Variants in INO80 observed in about 807,000 individuals in gnomAD.
INO80 encodes the protein chromatin-remodeling ATPase INO80.
In INO80, 20 loss-of-function variants were observed where a neutral mutation model predicts 203.4. The observed-to-expected ratio is 0.10, with a 90% CI of 0.07 to 0.14. INO80 has a LOEUF of 0.14. Ranked by LOEUF, INO80 falls within the 10% of genes least tolerant of loss-of-function variation. INO80 has a pLI of 1.00. For missense variants in INO80, 1,419 were observed against 1,914.4 expected, an observed-to-expected ratio of 0.74 and a Z score of 4.83; for synonymous variants, 726 against 685.2, an observed-to-expected ratio of 1.06 and a Z score of -0.93.
chr15:41,065,917 A>T (rs1005256693), intron 14 of INO80, among the ~76,000 whole-genome samples: 2 of 152,134 alleles, frequency 1.3e-5, no homozygotes, highest in African/African-American at 4.8e-5. Context: ...GGGCTGATGA[A>T]AAAGTTATGA....
At chr15:41,040,692 AAACCTAACCCT>A (rs2044652645) in intron 24 of INO80, among the ~76,000 whole-genome samples, 1 of 152,108 alleles carries the variant, frequency 6.6e-6, no homozygotes, top group South Asian at 2.1e-4. Context: ...ACAACACAGC[AAACCTAACCCT>A]AACCTAACCC....
At chr15:41,087,478 T>G in intron 6 of INO80, 84 bp downstream of exon 6, 1 of 1,418,672 alleles carries the variant, frequency 7.0e-7, no homozygotes, top group Non-Finnish European at 9.7e-7. Context: ...TGGACTTATA[T>G]ATAAAGTCCA....
chr15:41,027,557 T>C (rs1041804553), intron 25 of INO80, 39 bp downstream of exon 25: 1 of 1,539,698 alleles, frequency 6.5e-7, no homozygotes, highest in African/African-American at 1.4e-5. Context: ...ATTTCTCCTA[T>C]TGCCATCTAT....
chr15:41,111,777 T>G (rs1409900551), intron 1 of INO80, among the ~76,000 whole-genome samples: 1 of 149,692 alleles, frequency 6.7e-6, no homozygotes, highest in African/African-American at 2.5e-5. Context: ...TACTCCAGCC[T>G]GGGCTACAAG....
At chr15:41,065,135 G>A (rs1057264085) in intron 14 of INO80, among the ~76,000 whole-genome samples, 1 of 152,032 alleles carries the variant, frequency 6.6e-6, no homozygotes, top group Non-Finnish European at 1.5e-5. Context: ...TTAGTTTACA[G>A]CCATTCAAAA....
At chr15:41,041,430 T>A (rs2044665093) in intron 24 of INO80, among the ~76,000 whole-genome samples, 1 of 149,446 alleles carries the variant, frequency 6.7e-6, no homozygotes, top group African/African-American at 2.5e-5. Flanking sequence ...AGCTTCTAGT[T>A]CTTTTTTTTT....
chr15:41,061,469 A>AG (rs1396469739), intron 14 of INO80, among the ~76,000 whole-genome samples: 1 of 149,890 alleles, frequency 6.7e-6, no homozygotes, highest in Non-Finnish European at 1.5e-5. Flanking sequence ...AAAAAAAAAA[A>AG]AAAATTAGCC....
chr15:41,043,939 T>A (rs925938532), intron 24 of INO80, among the ~76,000 whole-genome samples: 2 of 152,172 alleles, frequency 1.3e-5, no homozygotes, highest in Non-Finnish European at 2.9e-5. Context: ...GGAAATATAA[T>A]TCAAGATCAC....
At chr15:41,091,371 C>CT (rs554799289) in intron 5 of INO80, among the ~76,000 whole-genome samples, 4 of 151,896 alleles carry the variant, frequency 2.6e-5, no homozygotes, top group East Asian at 3.9e-4. Flanking sequence ...GGAATTTTCT[C>CT]TTTTTTTTAA....
chr15:41,017,610 C>T (rs868194448), intron 26 of INO80: 11 of 152,340 alleles, frequency 7.2e-5, no homozygotes, highest in Middle Eastern at 3.4e-3. Context: ...ATACAAGGAA[C>T]AAGAACGGAT....
rs771356698 is a variant in INO80, at chr15:41,003,329, C to CTTTTTTTTTTTTTT, written c.3497+2263_3497+2264insAAAAAAAAAAAAAA. 2.8e-5 allele frequency among the ~76,000 whole-genome samples: 3 copies of CTTTTTTTTTTTTTT among 107,576 alleles called. 1 individual carries two copies. The highest frequency in any genetic ancestry group is 5.6e-5 in the Non-Finnish European group (3 of 53,386). The allele number at this position is 107,576 out of a possible 152,430, so 70.6% of individuals were successfully genotyped here. A position where few individuals can be genotyped will look rare whatever the true frequency, so the allele number is the denominator to read the frequency against. On this transcript the variant is annotated intron_variant, in intron 28 of 35. Transcript: ENST00000648947. ...TGGGATTGTGGGTGATTTTTCTTTT[C>CTTTTTTTTTTTTTT]TTTTCTTTTTTTTTTTTTTGAGATG...
At position 41,111,146 on chromosome 15, in the gene INO80, C is replaced by T. The variant is rs552311740; in HGVS notation, c.-44+4827G>A. On this transcript the variant is annotated intron_variant, in intron 1 of 35. Transcript: ENST00000648947. ...GTAATATCAAATAAAGAATAGTTAA[C>T]GCTTAAAAAATAAAATAGGCCAGCC... Among the ~76,000 whole-genome samples, 10 of 152,216 alleles carry T rather than the reference C, an allele frequency of 6.6e-5. No individual in the cohort carries two copies. The South Asian group carries it at 1.9e-3, about 28-fold the overall frequency.
chr15:41,109,737 G>C (rs564342725), intron 1 of INO80, among the ~76,000 whole-genome samples: 49 of 151,904 alleles, frequency 3.2e-4, no homozygotes, highest in African/African-American at 1.1e-3. Context: ...TTTGAGACCA[G>C]CCTGGTCAAC....
intron 1 of INO80, among the ~76,000 whole-genome samples, chr15:41,110,197 T>C (rs557269084): frequency 2.2e-4 from 34 of 151,972 alleles, no homozygotes; most frequent in African/African-American, 7.7e-4. Context: ...CAGGCTGGAG[T>C]GCAGTGGCAT....
chr15:41,048,062 T>C lies in INO80; in HGVS notation c.2641+150A>G, dbSNP rs1566927519. 6 of 538,740 alleles carry C rather than the reference T, an allele frequency of 1.1e-5. No individual in the cohort carries two copies. The East Asian group carries it at 1.5e-4, about 13-fold the overall frequency. The allele number at this position is 538,740 out of a possible 1,614,324, so 33.4% of individuals were successfully genotyped here. A position where few individuals can be genotyped will look rare whatever the true frequency, so the allele number is the denominator to read the frequency against. On this transcript the variant is annotated intron_variant, in intron 22 of 35. Coordinates refer to ENST00000648947, the MANE Select transcript of INO80 (RefSeq NM_017553.3). ...CACAGAGCCTATAAAGATAACTAAT[T>C]TCCTTAATTAAATCTTATCAAGATT...
At chr15:41,069,497 G>A in intron 14 of INO80, 73 bp downstream of exon 14, 1 of 872,062 alleles carries the variant, frequency 1.1e-6, no homozygotes, top group Non-Finnish European at 1.8e-6. Flanking sequence ...TGAGTAATTA[G>A]TAGGGCAAGA....
intron 18 of INO80, among the ~76,000 whole-genome samples, chr15:41,054,240 T>C (rs948124591): frequency 1.3e-5 from 2 of 152,222 alleles, no homozygotes; most frequent in Non-Finnish European, 2.9e-5. Context: ...CTATTTTCAT[T>C]AGAATTCATT....
chr15:40,991,444 A>G (rs1168529251), intron 29 of INO80, among the ~76,000 whole-genome samples: 4 of 152,128 alleles, frequency 2.6e-5, no homozygotes, highest in Admixed American at 6.5e-5. Flanking sequence ...GAGGGAGACA[A>G]TGCACCACTG....
chr15:41,088,252 G>C (rs1339552025), intron 5 of INO80, among the ~76,000 whole-genome samples: 1 of 151,874 alleles, frequency 6.6e-6, no homozygotes, highest in Non-Finnish European at 1.5e-5. Context: ...ACCACACCCA[G>C]CTGATTTTTG....
Sources: allele counts gnomAD v4.1 joint callset (sites outside exome capture counted in the v4.1 genomes callset), GRCh38; gene constraint gnomAD v4.1.1; transcripts MANE v1.5; gene names NCBI Gene and HGNC (gene_info 2026-07-23, HGNC 2026-07-21).